UNC5C: variants seen among roughly 807,000 people sequenced by gnomAD.
UNC5C encodes netrin receptor UNC5C.
A neutral mutation model predicts 99.8 loss-of-function variants in UNC5C; 47 were observed. The observed-to-expected ratio is 0.47, with a 90% CI of 0.37 to 0.60. The LOEUF is 0.60. UNC5C is among the 20% of genes least tolerant of loss of function. The pLI is 0.00. For synonymous variants in UNC5C, 487 were observed against 452.2 expected, an observed-to-expected ratio of 1.08 and a Z score of -0.98; for missense variants, 1,062 against 1,165.9, an observed-to-expected ratio of 0.91 and a Z score of 1.30.
chr4:95,505,671 T>G (rs973118999), intron 1 of UNC5C, among the ~76,000 whole-genome samples: 2 of 152,086 alleles, frequency 1.3e-5, no homozygotes, highest in African/African-American at 4.8e-5. Flanking sequence ...TCTAGAAACT[T>G]TCATGCTCTC....
intron 7 of UNC5C, among the ~76,000 whole-genome samples, chr4:95,222,790 C>T (rs1056680565): frequency 3.9e-5 from 6 of 152,144 alleles, no homozygotes; most frequent in Non-Finnish European, 7.4e-5. Flanking sequence ...TCCCCCGCTC[C>T]ATCTCAAATC....
At chr4:95,491,646 C>A (rs1193594331) in intron 1 of UNC5C, among the ~76,000 whole-genome samples, 3 of 151,330 alleles carry the variant, frequency 2.0e-5, no homozygotes, top group African/African-American at 7.3e-5. Flanking sequence ...TCAGATAGTT[C>A]CAGAAATCAG....
intron 1 of UNC5C, among the ~76,000 whole-genome samples, chr4:95,507,342 G>A (rs1721950893): frequency 6.6e-6 from 1 of 151,996 alleles, no homozygotes; most frequent in Non-Finnish European, 1.5e-5. Flanking sequence ...ACTCTGGAAT[G>A]ACTCACTGAA....
intron 1 of UNC5C, among the ~76,000 whole-genome samples, chr4:95,493,424 C>A (rs543305975): frequency 1.3e-5 from 2 of 151,214 alleles, no homozygotes; most frequent in Admixed American, 6.6e-5. Flanking sequence ...CACTGAATTG[C>A]GAACCGAAGT....
At chr4:95,333,669 T>C (rs1743216735) in intron 2 of UNC5C, among the ~76,000 whole-genome samples, 2 of 152,124 alleles carry the variant, frequency 1.3e-5, no homozygotes, top group Admixed American at 1.3e-4. Context: ...CATGTATACA[T>C]ATGTAACTAA....
chr4:95,273,910 C>T (rs1008721566), intron 4 of UNC5C, among the ~76,000 whole-genome samples: 1 of 152,064 alleles, frequency 6.6e-6, no homozygotes, highest in Non-Finnish European at 1.5e-5. Context: ...ATTGCATCTT[C>T]AGGGACGAGA....
At chr4:95,497,412 T>TA (rs1721659066) in intron 1 of UNC5C, among the ~76,000 whole-genome samples, 1 of 151,978 alleles carries the variant, frequency 6.6e-6, no homozygotes, top group African/African-American at 2.4e-5. Context: ...ATTCTACACT[T>TA]ACTTCACAAA....
intron 1 of UNC5C, among the ~76,000 whole-genome samples, chr4:95,519,166 A>G (rs1722287592): frequency 6.6e-6 from 1 of 152,170 alleles, no homozygotes; most frequent in African/African-American, 2.4e-5. Flanking sequence ...ATGCTTGAGT[A>G]GTCTGCTAAA....
intron 1 of UNC5C, among the ~76,000 whole-genome samples, chr4:95,403,837 A>G (rs986900038): frequency 2.6e-5 from 4 of 152,194 alleles, no homozygotes; most frequent in African/African-American, 9.7e-5. Context: ...TCTCTCTTGT[A>G]ATCAATAGGA....
At chr4:95,332,193 C>T (rs1476957448) in intron 2 of UNC5C, among the ~76,000 whole-genome samples, 1 of 152,122 alleles carries the variant, frequency 6.6e-6, no homozygotes, top group Non-Finnish European at 1.5e-5. Context: ...CTACCAATGA[C>T]TTTCTTCACA....
intron 1 of UNC5C, among the ~76,000 whole-genome samples, chr4:95,458,418 T>G (rs1173266118): frequency 6.6e-6 from 1 of 152,142 alleles, no homozygotes; most frequent in African/African-American, 2.4e-5. Context: ...CTTTTCCCGT[T>G]AGATATCTCT....
intron 5 of UNC5C, among the ~76,000 whole-genome samples, chr4:95,246,514 C>A (rs1310760490): frequency 6.6e-6 from 1 of 152,062 alleles, no homozygotes; most frequent in African/African-American, 2.4e-5. Flanking sequence ...GAGCTATGAT[C>A]ACATCACTAC....
intron 1 of UNC5C, among the ~76,000 whole-genome samples, chr4:95,478,284 T>C (rs536387834): frequency 2.0e-5 from 3 of 152,104 alleles, no homozygotes; most frequent in Non-Finnish European, 4.4e-5. Context: ...CTCGGTTGTC[T>C]CTAAGCTCCA....
At chr4:95,188,092 A>G (rs1300307998) in intron 12 of UNC5C, among the ~76,000 whole-genome samples, 1 of 152,224 alleles carries the variant, frequency 6.6e-6, no homozygotes, top group Non-Finnish European at 1.5e-5. Context: ...AATCTGTCTT[A>G]GCATAAAGCT....
intron 1 of UNC5C, among the ~76,000 whole-genome samples, chr4:95,455,199 A>G (rs1747394003): frequency 6.6e-6 from 1 of 152,118 alleles, no homozygotes; most frequent in African/African-American, 2.4e-5. Context: ...TATTCAAAGT[A>G]TCTTTCAAAC....
Position 95,166,436 on chromosome 4 carries a change from T to C in UNC5C, c.*2798A>G, listed in dbSNP as rs1735859977. On this transcript the variant is annotated 3_prime_UTR_variant, in exon 16 of 16. Transcript: ENST00000453304. ...ATGAGTACCTCACACACGAAATCAATCACTTTTCCCTTTTCTGGTGGTGGG... is the reference window on the plus strand; with the variant it reads ...ATGAGTACCTCACACACGAAATCAACCACTTTTCCCTTTTCTGGTGGTGGG... 1 of 152,174 alleles carries C rather than the reference T, an allele frequency of 6.6e-6. No homozygotes were observed. Among genetic ancestry groups the C allele is most frequent in the Non-Finnish European group, 1.5e-5 (1 of 68,028 alleles). The allele number at this position is 152,174 out of a possible 1,614,324, so 9.4% of individuals were successfully genotyped here.
intron 3 of UNC5C, among the ~76,000 whole-genome samples, chr4:95,301,321 G>A (rs929615852): frequency 2.0e-5 from 3 of 150,368 alleles, no homozygotes; most frequent in Admixed American, 6.7e-5. Flanking sequence ...TCAGCCTCCC[G>A]AGTAACTGGG....
intron 1 of UNC5C, among the ~76,000 whole-genome samples, chr4:95,501,178 T>C (rs952552688): frequency 6.6e-6 from 1 of 152,100 alleles, no homozygotes; most frequent in African/African-American, 2.4e-5. Context: ...ACGCAATAAA[T>C]ACATGATAGT....
chr4:95,524,069 C>T (rs1177266998), intron 1 of UNC5C, among the ~76,000 whole-genome samples: 1 of 152,116 alleles, frequency 6.6e-6, no homozygotes, highest in Non-Finnish European at 1.5e-5. Flanking sequence ...ATTCAATACA[C>T]GTTTAAAAAC....
Sources: allele counts gnomAD v4.1 joint callset (sites outside exome capture counted in the v4.1 genomes callset), GRCh38; gene constraint gnomAD v4.1.1; transcripts MANE v1.5; gene names NCBI Gene and HGNC (gene_info 2026-07-23, HGNC 2026-07-21).